The following KLHL2 variants were observed in gnomAD, a reference collection of about 807,000 sequenced individuals.
KLHL2 encodes kelch-like protein 2.
A neutral mutation model predicts 75.8 loss-of-function variants in KLHL2; 15 were observed. The observed-to-expected ratio is 0.20, with a 90% CI of 0.13 to 0.30. KLHL2 has a LOEUF of 0.30. Ranked by LOEUF, KLHL2 falls within the 10% of genes least tolerant of loss-of-function variation. The pLI, the probability that KLHL2 is intolerant of heterozygous loss-of-function variation, is 1.00. For synonymous variants in KLHL2, 214 were observed against 251.9 expected, an observed-to-expected ratio of 0.85 and a Z score of 1.42; for missense variants, 381 against 741.0, an observed-to-expected ratio of 0.51 and a Z score of 5.64.
At chr4:165,318,570 T>TA (rs1354769196) in intron 14 of KLHL2, among the ~76,000 whole-genome samples, 2 of 152,218 alleles carry the variant, frequency 1.3e-5, no homozygotes, top group Non-Finnish European at 2.9e-5. Flanking sequence ...TTAAGCTCAT[T>TA]AACCATCACT....
chr4:165,252,451 T>G (rs1740813774), intron 4 of KLHL2: 1 of 152,122 alleles, frequency 6.6e-6, no homozygotes, highest in Non-Finnish European at 1.5e-5. Flanking sequence ...CTTAAAAATA[T>G]TATTACCTCT....
chr4:165,293,954 A>T, intron 5 of KLHL2, among the ~76,000 whole-genome samples: 1 of 152,346 alleles, frequency 6.6e-6, no homozygotes, highest in South Asian at 2.1e-4. Flanking sequence ...ATGATATGAC[A>T]TGTAGGATAT....
chr4:165,210,169 G>C (rs1737108918), intron 1 of KLHL2: 8 of 1,551,570 alleles, frequency 5.2e-6, no homozygotes, highest in South Asian at 1.2e-5. Flanking sequence ...CACGGCCCCA[G>C]ATTCTCTTTG....
chr4:165,311,447 A>T lies in KLHL2; in HGVS notation c.1238-17A>T. 6.5e-7 allele frequency: 1 copy of T among 1,549,382 alleles called. No homozygotes were observed. Among genetic ancestry groups the T allele is most frequent in the Non-Finnish European group, 8.9e-7 (1 of 1,124,544 alleles). ...TTTTTTAGAGAAGGAAATGAAGACT[A>T]TTGTGCTTTATTATAGGTTTGTCAT... On this transcript the variant is annotated splice_polypyrimidine_tract_variant and intron_variant, in intron 10 of 14. Transcript: ENST00000226725.
chr4:165,227,900 CTTTTTTT>C (rs557385631), intron 2 of KLHL2, among the ~76,000 whole-genome samples: 1 of 121,336 alleles, frequency 8.2e-6, no homozygotes, highest in Non-Finnish European at 1.8e-5. Flanking sequence ...TAACAAAATG[CTTTTTTT>C]TTTTTTTTGA....
chr4:165,283,259 C>T (rs1743831993), intron 5 of KLHL2, among the ~76,000 whole-genome samples: 1 of 152,210 alleles, frequency 6.6e-6, no homozygotes, highest in Admixed American at 6.5e-5. Context: ...CAACAGTCCC[C>T]CAAAGTCTTA....
chr4:165,224,187 A>G (rs1454252459), intron 2 of KLHL2: 1 of 198,320 alleles, frequency 5.0e-6, no homozygotes, highest in Non-Finnish European at 1.1e-5. Context: ...AAGACCAAAG[A>G]GCAACTGTTG....
chr4:165,298,870 G>T (rs1208093070), intron 7 of KLHL2, among the ~76,000 whole-genome samples: 2 of 151,978 alleles, frequency 1.3e-5, no homozygotes, highest in Admixed American at 1.3e-4. Context: ...CCGGCAGGTG[G>T]AGTTTGCCAG....
chr4:165,231,741 G>C (rs1202605880), intron 3 of KLHL2, among the ~76,000 whole-genome samples: 1 of 152,062 alleles, frequency 6.6e-6, no homozygotes, highest in Non-Finnish European at 1.5e-5. Flanking sequence ...TTCTTTGTGT[G>C]GACATATATT....
intron 4 of KLHL2, among the ~76,000 whole-genome samples, chr4:165,241,899 A>G (rs1407105885): frequency 2.6e-5 from 4 of 152,184 alleles, no homozygotes; most frequent in Admixed American, 6.5e-5. Context: ...ACTCCAAAGA[A>G]GGGACTATTG....
intron 5 of KLHL2, among the ~76,000 whole-genome samples, chr4:165,293,080 G>A (rs1325493756): frequency 6.6e-6 from 1 of 152,166 alleles, no homozygotes; most frequent in African/African-American, 2.4e-5. Context: ...GCTAGCATAT[G>A]GCAGAGCTGG....
chr4:165,254,312 A>G (rs1740981200), intron 4 of KLHL2, among the ~76,000 whole-genome samples: 1 of 152,204 alleles, frequency 6.6e-6, no homozygotes, highest in Non-Finnish European at 1.5e-5. Flanking sequence ...TGATTATAAC[A>G]TTTCATCATG....
intron 4 of KLHL2, among the ~76,000 whole-genome samples, chr4:165,257,250 A>G (rs1448683508): frequency 1.3e-5 from 2 of 152,232 alleles, no homozygotes; most frequent in Non-Finnish European, 2.9e-5. Context: ...GAAAGGAGGG[A>G]AAACCGGTTC....
intron 4 of KLHL2, among the ~76,000 whole-genome samples, chr4:165,247,835 T>C (rs1740385336): frequency 1.3e-5 from 2 of 152,238 alleles, no homozygotes; most frequent in Non-Finnish European, 2.9e-5. Flanking sequence ...TAGTGAAGTG[T>C]AGTCGAATTG....
At chr4:165,279,895 T>C (rs1440559812) in intron 5 of KLHL2, among the ~76,000 whole-genome samples, 1 of 152,254 alleles carries the variant, frequency 6.6e-6, no homozygotes, top group Non-Finnish European at 1.5e-5. Flanking sequence ...TCTCCTGCCA[T>C]AAACGCCTTC....
chr4:165,294,792 T>A (rs1456211585), intron 6 of KLHL2, among the ~76,000 whole-genome samples: 2 of 152,226 alleles, frequency 1.3e-5, no homozygotes, highest in East Asian at 3.8e-4. Flanking sequence ...AAATGCTTTT[T>A]TGGAAACTAG....
chr4:165,252,664 A>G (rs1740834613), intron 4 of KLHL2: 1 of 152,188 alleles, frequency 6.6e-6, no homozygotes, highest in South Asian at 2.1e-4. Context: ...TTCTTGCGAA[A>G]ATAGAATATA....
At chr4:165,313,517 T>C in intron 12 of KLHL2, 151 bp downstream of exon 12, 1 of 586,288 alleles carries the variant, frequency 1.7e-6, no homozygotes, top group Non-Finnish European at 2.6e-6. Context: ...ATTGTGCAGG[T>C]AATGGGAGTA....
At chr4:165,239,042 A>T in intron 4 of KLHL2, 143 bp downstream of exon 4, 1 of 1,375,242 alleles carries the variant, frequency 7.3e-7, no homozygotes, top group Non-Finnish European at 9.6e-7. Context: ...ATTTGGAATG[A>T]TTACACCTTT....
Sources: gnomAD v4.1 joint callset for allele counts (sites outside exome capture counted in the v4.1 genomes callset) on GRCh38, gnomAD v4.1.1 for gene constraint, MANE v1.5 for transcripts, NCBI Gene and HGNC (gene_info 2026-07-23, HGNC 2026-07-21) for gene names.